NSRP1: variants seen among roughly 807,000 people sequenced by gnomAD.
NSRP1 encodes coiled-coil domain containing 55.
A neutral mutation model predicts 54.7 loss-of-function variants in NSRP1; 24 were observed. The observed-to-expected ratio is 0.44, with a 90% CI of 0.32 to 0.62. The LOEUF is 0.62. Ranked by LOEUF, NSRP1 falls within the 20% of genes least tolerant of loss-of-function variation. The pLI is 0.06. For synonymous variants in NSRP1, 210 were observed against 213.8 expected (o/e 0.98, Z 0.15); for missense variants, 596 against 651.2 (o/e 0.92, Z 0.92).
intron 6 of NSRP1, among the ~76,000 whole-genome samples, chr17:30,181,612 T>G (rs1175839639): frequency 8.8e-5 from 13 of 147,278 alleles, no homozygotes; most frequent in Non-Finnish European, 2.0e-4. Flanking sequence ...TTTTTTTTGT[T>G]TTTTTTTTTT....
intron 2 of NSRP1, among the ~76,000 whole-genome samples, chr17:30,164,039 G>C (rs895635249): frequency 6.6e-6 from 1 of 152,002 alleles, no homozygotes; most frequent in African/African-American, 2.4e-5. Context: ...GCGTGTGTGC[G>C]AAGTATTGTT....
At position 30,181,609 on chromosome 17, in the gene NSRP1, T is replaced by G. The variant is rs543703584; in HGVS notation, c.617+593T>G. On this transcript the variant is annotated intron_variant, in intron 6 of 6. Transcript: ENST00000247026. Reference sequence around the variant, plus strand: ...TGTTGTGTGTGTGGTTTTTTTTTTTTGTTTTTTTTTTTTTTAGATGGAATG... The same window carrying G: ...TGTTGTGTGTGTGGTTTTTTTTTTTGGTTTTTTTTTTTTTTAGATGGAATG... Among the ~76,000 whole-genome samples, 9 of 148,182 alleles carry G rather than the reference T, an allele frequency of 6.1e-5. No homozygotes were observed. In the South Asian group the frequency reaches 8.5e-4, roughly 14 times the overall value.
intron 2 of NSRP1, among the ~76,000 whole-genome samples, chr17:30,148,025 C>G (rs981875149): frequency 2.0e-5 from 3 of 151,966 alleles, no homozygotes; most frequent in African/African-American, 7.3e-5. Flanking sequence ...GTTGGCCAGG[C>G]TCATCTTGCG....
chr17:30,149,733 G>T (rs1035155316), intron 2 of NSRP1, among the ~76,000 whole-genome samples: 11 of 151,550 alleles, frequency 7.3e-5, no homozygotes, highest in African/African-American at 2.2e-4. Context: ...CACACAGGAG[G>T]CTGAGGCAGG....
chr17:30,166,730 C>G (rs1904741405), intron 2 of NSRP1, among the ~76,000 whole-genome samples: 1 of 152,096 alleles, frequency 6.6e-6, no homozygotes, highest in African/African-American at 2.4e-5. Flanking sequence ...CGAGACCAGC[C>G]TAGCCATCAT....
At chr17:30,164,656 G>A (rs1215901652) in intron 2 of NSRP1, among the ~76,000 whole-genome samples, 5 of 151,932 alleles carry the variant, frequency 3.3e-5, no homozygotes, top group African/African-American at 1.2e-4. Flanking sequence ...AAATTAGCTG[G>A]ATGTGGTGAC....
At chr17:30,172,886 C>G (rs922590330) in intron 3 of NSRP1, among the ~76,000 whole-genome samples, 1 of 151,510 alleles carries the variant, frequency 6.6e-6, no homozygotes, top group African/African-American at 2.4e-5. Flanking sequence ...GTTTCACAAA[C>G]TTATAATTAT....
At chr17:30,145,975 G>T (rs1019185712) in intron 2 of NSRP1, among the ~76,000 whole-genome samples, 6 of 151,036 alleles carry the variant, frequency 4.0e-5, no homozygotes, top group African/African-American at 1.5e-4. Context: ...TTTGTCTTCC[G>T]AGTAGCTAGG....
At chr17:30,128,328 A>G (rs2071669188) in intron 2 of NSRP1, 1 of 151,942 alleles carries the variant, frequency 6.6e-6, no homozygotes. Flanking sequence ...TAGAAAAAAT[A>G]GAAATATCTA....
In NSRP1 at chr17:30,126,709, T is replaced by C. The variant is rs190933819; in HGVS notation, c.114+8536T>C. Among the ~76,000 whole-genome samples, 385 of 152,316 alleles carry C rather than the reference T, an allele frequency of 2.5e-3. 1 individual carries two copies. Among genetic ancestry groups the C allele is most frequent in the African/African-American group, 6.6e-3 (273 of 41,586 alleles). Reference sequence around the variant, plus strand: ...CCTGAGCAATCTTTTAGCCTCCGCCTCCTGAGTAGCTGGGACCACCGGTGC... The same window carrying C: ...CCTGAGCAATCTTTTAGCCTCCGCCCCCTGAGTAGCTGGGACCACCGGTGC... On this transcript the variant is annotated intron_variant, in intron 2 of 6. Coordinates refer to ENST00000247026, the MANE Select transcript of NSRP1 (RefSeq NM_032141.4).
At position 30,185,020 on chromosome 17, in the gene NSRP1, G is replaced by A. The variant is rs1214642327; in HGVS notation, c.1023G>A (p.Arg341=). The A allele has an allele frequency of 6.2e-7, 1 of 1,613,942 alleles. No homozygotes were observed. Among genetic ancestry groups the A allele is most frequent in the East Asian group, 2.2e-5 (1 of 44,886 alleles). The change falls in exon 7 of 7, where the codon AGG becomes AGA. Residue 341 remains arginine, a synonymous_variant. Coordinates refer to ENST00000247026, the MANE Select transcript of NSRP1 (RefSeq NM_032141.4). ...CTGACCGTGATTACCGGAAAGAAAG[G>A]GATTCTCATAGGCACAGAGAGGCCA... ...HYTDRDYRKE[R]DSHRHREASH... is the part of the protein sequence containing the mutation.
At chr17:30,139,710 A>C (rs1310543857) in intron 2 of NSRP1, among the ~76,000 whole-genome samples, 1 of 152,008 alleles carries the variant, frequency 6.6e-6, no homozygotes, top group Non-Finnish European at 1.5e-5. Flanking sequence ...CAAAAACAAA[A>C]CTTTTTCACA....
In NSRP1 at chr17:30,186,184, G is replaced by C. The variant is rs558604260; in HGVS notation, c.*510G>C. 2 of 152,346 alleles carry C rather than the reference G, an allele frequency of 1.3e-5. No homozygotes were observed. Among genetic ancestry groups the C allele is most frequent in the South Asian group, 4.1e-4 (2 of 4,828 alleles). The allele number at this position is 152,346 out of a possible 1,614,324, so 9.4% of individuals were successfully genotyped here. A position where few individuals can be genotyped will look rare whatever the true frequency, so the allele number is the denominator to read the frequency against. ...AGAGGCTGAGGCAAGAAGATCACTTGAGCCTAGGAATTTGATGTTACAGTG... is the reference window on the plus strand; with the variant it reads ...AGAGGCTGAGGCAAGAAGATCACTTCAGCCTAGGAATTTGATGTTACAGTG... On this transcript the variant is annotated 3_prime_UTR_variant, in exon 7 of 7. Transcript: ENST00000247026.
intron 2 of NSRP1, among the ~76,000 whole-genome samples, chr17:30,169,876 A>G (rs1904863877): frequency 6.6e-6 from 1 of 151,920 alleles, no homozygotes; most frequent in African/African-American, 2.4e-5. Flanking sequence ...TGCTGGTACA[A>G]TACAACTGAA....
chr17:30,179,090 C>T lies in NSRP1; in HGVS notation c.301C>T (p.Pro101Ser). ...TCCTAAATCTTTTTTATTTCCTTAG[C>T]CCAAGTATATTCACAACTTGCTAAA... ...PKLLLGKDRK[P>S]KYIHNLLKAV... Residue 101 changes from proline to serine, a missense_variant and splice_region_variant, in exon 5 of 7, where the codon CCC becomes TCC. Coordinates refer to ENST00000247026, the MANE Select transcript of NSRP1 (RefSeq NM_032141.4). 4 of 1,539,226 alleles carry T rather than the reference C, an allele frequency of 2.6e-6. No homozygotes were observed. Among genetic ancestry groups the T allele is most frequent in the Non-Finnish European group, 3.5e-6 (4 of 1,138,894 alleles).
intron 2 of NSRP1, among the ~76,000 whole-genome samples, chr17:30,134,122 G>A (rs2071727185): frequency 6.6e-6 from 1 of 152,186 alleles, no homozygotes; most frequent in Admixed American, 6.5e-5. Context: ...TCAAGGAATA[G>A]GAAGGCCTGA....
At chr17:30,168,830 C>T (rs1904829043) in intron 2 of NSRP1, 1 of 151,812 alleles carries the variant, frequency 6.6e-6, no homozygotes, top group Non-Finnish European at 1.5e-5. Context: ...GGCATTTAAT[C>T]GTCATCCTTA....
intron 1 of NSRP1, chr17:30,117,487 T>A (rs1477617356): frequency 7.1e-6 from 3 of 421,228 alleles, no homozygotes; most frequent in Non-Finnish European, 1.3e-5. Flanking sequence ...ACTAAAGGAG[T>A]TGGATCTGAT....
intron 2 of NSRP1, among the ~76,000 whole-genome samples, chr17:30,132,658 TCA>T (rs2071711957): frequency 6.6e-6 from 1 of 152,264 alleles, no homozygotes; most frequent in Non-Finnish European, 1.5e-5. Flanking sequence ...CATGAGCAGT[TCA>T]GTCACATCTT....
Sources: gnomAD v4.1 joint callset for allele counts (sites outside exome capture counted in the v4.1 genomes callset) on GRCh38, gnomAD v4.1.1 for gene constraint, MANE v1.5 for transcripts, NCBI Gene and HGNC (gene_info 2026-07-23, HGNC 2026-07-21) for gene names.